The following ASB4 variants were observed in gnomAD, a reference collection of about 807,000 sequenced individuals.
ASB4 encodes the protein ankyrin repeat and SOCS box protein 4.
A neutral mutation model predicts 38.6 loss-of-function variants in ASB4; 35 were observed. The ratio of observed to expected loss-of-function variants is 0.91; its 90% CI spans 0.69 to 1.20. ASB4 has a LOEUF of 1.20. ASB4 is among the 50% of genes most tolerant of loss of function. ASB4 has a pLI of 0.00. For missense variants in ASB4, 557 were observed against 527.2 expected (o/e 1.06, Z -0.55); for synonymous variants, 195 against 201.3 (o/e 0.97, Z 0.26).
chr7:95,511,913 T>C (rs1011522571), intron 2 of ASB4, among the ~76,000 whole-genome samples: 1 of 152,174 alleles, frequency 6.6e-6, no homozygotes, highest in African/African-American at 2.4e-5. Context: ...TTTAGAGTCC[T>C]GCCGCTAATG....
At chr7:95,505,670 T>G (rs1408180827) in intron 2 of ASB4, among the ~76,000 whole-genome samples, 2 of 148,150 alleles carry the variant, frequency 1.3e-5, no homozygotes, top group Non-Finnish European at 3.0e-5. Flanking sequence ...ATCTGGCTCC[T>G]TTTCCTCTAT....
intron 2 of ASB4, among the ~76,000 whole-genome samples, chr7:95,503,129 T>A (rs1396573477): frequency 1.3e-5 from 2 of 152,198 alleles, no homozygotes; most frequent in African/African-American, 4.8e-5. Context: ...TTATAGCTAA[T>A]GTTTAACTGT....
upstream of ASB4, among the ~76,000 whole-genome samples, chr7:95,483,167 C>G (rs887005352): frequency 2.0e-5 from 3 of 152,162 alleles, no homozygotes; most frequent in African/African-American, 7.2e-5. Flanking sequence ...ACGGAGATAT[C>G]AGGGAGGGTC....
chr7:95,502,679 C>G (rs947345592), intron 2 of ASB4, among the ~76,000 whole-genome samples: 4 of 152,136 alleles, frequency 2.6e-5, no homozygotes, highest in African/African-American at 9.7e-5. Flanking sequence ...AGACTTTCTC[C>G]TAATTCTGTA....
intron 3 of ASB4, among the ~76,000 whole-genome samples, chr7:95,535,885 G>A (rs76278080): frequency 1.1e-4 from 16 of 152,254 alleles, no homozygotes; most frequent in Non-Finnish European, 1.9e-4. Context: ...ACTTTACCTC[G>A]TGGTCACCAG....
At chr7:95,492,126 C>A (rs552737937) in intron 1 of ASB4, among the ~76,000 whole-genome samples, 1 of 152,174 alleles carries the variant, frequency 6.6e-6, no homozygotes, top group Non-Finnish European at 1.5e-5. Flanking sequence ...GTAACCACAA[C>A]TCCATTCTGG....
chr7:95,515,316 T>TCTTTCTTTCTTTCTTTCTTTCTTTCTTC, intron 2 of ASB4, among the ~76,000 whole-genome samples: 1 of 95,772 alleles, frequency 1.0e-5, no homozygotes, highest in Non-Finnish European at 2.1e-5. Context: ...TTTCTTTCTT[T>TCTTTCTTTCTTTCTTTCTTTCTTTCTTC]CTTCCTTCCT....
downstream of ASB4, chr7:95,544,593 T>A (rs1791009440): frequency 1.3e-5 from 2 of 152,276 alleles, no homozygotes; most frequent in Non-Finnish European, 2.9e-5. Context: ...TTTGTGAACT[T>A]GGGTCAGTTT....
At chr7:95,492,770 G>T (rs1461873148) in intron 1 of ASB4, among the ~76,000 whole-genome samples, 1 of 152,158 alleles carries the variant, frequency 6.6e-6, no homozygotes, top group East Asian at 1.9e-4. Context: ...CTGGTTTTCA[G>T]ACCTGGAACC....
chr7:95,478,927 G>GCCC (rs1264780359), intron 1 of ASB4, among the ~76,000 whole-genome samples: 5 of 152,094 alleles, frequency 3.3e-5, no homozygotes, highest in Non-Finnish European at 7.4e-5. Flanking sequence ...TTCTTCCAGC[G>GCCC]CCCCCAACTG....
At chr7:95,514,512 C>T (rs1463022433) in intron 2 of ASB4, among the ~76,000 whole-genome samples, 3 of 152,118 alleles carry the variant, frequency 2.0e-5, no homozygotes, top group Non-Finnish European at 4.4e-5. Flanking sequence ...ACAACCCCTC[C>T]AAGAGTTAGA....
rs779948546 is a variant in ASB4, at chr7:95,537,516, T to C, written c.1093-55T>C. 146 of 1,443,862 alleles carry C rather than the reference T, an allele frequency of 1.0e-4. No individual in the cohort carries two copies. In the East Asian group the frequency reaches 1.5e-3, roughly 15 times the overall value. The allele number at this position is 1,443,862 out of a possible 1,614,324, so 89.4% of individuals were successfully genotyped here. On this transcript the variant is annotated intron_variant, in intron 4 of 4. Coordinates refer to ENST00000325885, the MANE Select transcript of ASB4 (RefSeq NM_016116.3). ...TTAGTTGCAGCATTGCTGATTTTTA[T>C]TGATGTAAACTGTGGGGCCTTGCTA... is the stretch of plus-strand genomic sequence containing the variant.
intron 2 of ASB4, among the ~76,000 whole-genome samples, chr7:95,515,491 C>T (rs1480261208): frequency 1.3e-5 from 2 of 149,000 alleles, no homozygotes; most frequent in South Asian, 2.1e-4. Flanking sequence ...TCTCTGCTCA[C>T]TGCAACCTCT....
chr7:95,497,144 G>T (rs1191349441), intron 2 of ASB4, among the ~76,000 whole-genome samples: 1 of 152,004 alleles, frequency 6.6e-6, no homozygotes, highest in Non-Finnish European at 1.5e-5. Context: ...GCTCTGAAAT[G>T]GAGCCACAAA....
At chr7:95,501,260 T>C (rs904682444) in intron 2 of ASB4, among the ~76,000 whole-genome samples, 2 of 152,182 alleles carry the variant, frequency 1.3e-5, no homozygotes, top group Non-Finnish European at 2.9e-5. Context: ...AAAATTCAAA[T>C]GTTTCTTAGC....
intron 3 of ASB4, among the ~76,000 whole-genome samples, chr7:95,533,876 C>G (rs1790852757): frequency 1.3e-5 from 2 of 152,174 alleles, no homozygotes; most frequent in Non-Finnish European, 2.9e-5. Flanking sequence ...TCCCTTCTTC[C>G]TCTCTCGTGC....
At chr7:95,496,561 G>A (rs770832787) in intron 2 of ASB4, among the ~76,000 whole-genome samples, 2 of 152,084 alleles carry the variant, frequency 1.3e-5, no homozygotes, top group African/African-American at 4.8e-5. Flanking sequence ...AGAATGAAAA[G>A]GACGGCCAGG....
At chr7:95,503,991 G>T (rs999767581) in intron 2 of ASB4, among the ~76,000 whole-genome samples, 1 of 152,058 alleles carries the variant, frequency 6.6e-6, no homozygotes, top group African/African-American at 2.4e-5. Flanking sequence ...CCTGGCCTTT[G>T]TTGCCTTTGG....
chr7:95,532,936 T>C (rs552252758), intron 3 of ASB4, among the ~76,000 whole-genome samples: 1 of 152,334 alleles, frequency 6.6e-6, no homozygotes, highest in African/African-American at 2.4e-5. Context: ...CTGTGGTTTC[T>C]CCCTTTGGGG....
Sources: allele counts gnomAD v4.1 joint callset (sites outside exome capture counted in the v4.1 genomes callset), GRCh38; gene constraint gnomAD v4.1.1; transcripts MANE v1.5; gene names NCBI Gene and HGNC (gene_info 2026-07-23, HGNC 2026-07-21).